Variants in CDH12 observed in about 807,000 individuals in gnomAD.
The protein encoded by CDH12 is cadherin 12.
CDH12 carries 41 observed loss-of-function variants against 74.1 expected under a neutral mutation model. The observed-to-expected ratio is 0.55, with a 90% CI of 0.43 to 0.72. CDH12 has a LOEUF of 0.72. Among genes scored for constraint, CDH12 ranks in the 30% least tolerant of loss-of-function variants. CDH12 has a pLI of 0.00. For synonymous variants in CDH12, 399 were observed against 355.0 expected (o/e 1.12, Z -1.39); for missense variants, 945 against 977.2 (o/e 0.97, Z 0.44).
In CDH12 at chr5:22,094,983, C is replaced by T. The variant is rs4701569; in HGVS notation, c.-186-16121G>A. Among the ~76,000 whole-genome samples the T allele has an allele frequency of 5.3e-4, 81 of 152,212 alleles. 1 individual carries two copies. The highest frequency in any genetic ancestry group is 8.4e-4 in the African/African-American group (35 of 41,530). On this transcript the variant is annotated intron_variant, in intron 4 of 14. Transcript: ENST00000382254. ...GCTGACCCTCTTTTCGGACTCAGCC[C>T]GCCTGTGCCCAGGTGATTAAAAAGC...
intron 4 of CDH12, among the ~76,000 whole-genome samples, chr5:22,173,433 A>C (rs1350568105): frequency 6.8e-6 from 1 of 148,140 alleles, no homozygotes; most frequent in Non-Finnish European, 1.5e-5. Context: ...AATATTAATA[A>C]ATATTTCAAA....
At chr5:22,414,451 TA>T (rs1406760873) in intron 2 of CDH12, among the ~76,000 whole-genome samples, 1 of 151,962 alleles carries the variant, frequency 6.6e-6, no homozygotes, top group East Asian at 1.9e-4. Flanking sequence ...GATTTTGCAT[TA>T]TATGTGCCAT....
chr5:21,797,519 A>C (rs960849668), intron 10 of CDH12, among the ~76,000 whole-genome samples: 13 of 152,218 alleles, frequency 8.5e-5, no homozygotes, highest in African/African-American at 3.1e-4. Flanking sequence ...ATGTTGATTC[A>C]AAAACAGCTC....
chr5:22,716,480 C>G (rs1320675775), intron 1 of CDH12, among the ~76,000 whole-genome samples: 1 of 151,998 alleles, frequency 6.6e-6, no homozygotes, highest in Non-Finnish European at 1.5e-5. Context: ...CTGCCAGTCA[C>G]ATAAAATTCT....
At chr5:22,604,981 T>C (rs1292033155) in intron 1 of CDH12, among the ~76,000 whole-genome samples, 1 of 152,210 alleles carries the variant, frequency 6.6e-6, no homozygotes, top group Non-Finnish European at 1.5e-5. Context: ...TCTGGGCTCC[T>C]TGATCACCCA....
Position 22,716,711 on chromosome 5 carries a change from A to C in CDH12, c.-523+136347T>G, listed in dbSNP as rs151003212. On this transcript the variant is annotated intron_variant, in intron 1 of 14. Coordinates refer to ENST00000382254, the MANE Select transcript of CDH12 (RefSeq NM_004061.5). ...GGAGATGACAGCTTTATTGGCCCTG[A>C]AGACCTTCCAGTGGGACAAGATGTG... 8.9e-3 allele frequency among the ~76,000 whole-genome samples: 1,351 copies of C among 152,120 alleles called. 20 individuals carry two copies. The highest frequency in any genetic ancestry group is 0.031 in the African/African-American group (1,286 of 41,522).
intron 1 of CDH12, among the ~76,000 whole-genome samples, chr5:22,556,441 A>G (rs942932634): frequency 7.9e-5 from 12 of 152,130 alleles, no homozygotes; most frequent in African/African-American, 2.7e-4. Flanking sequence ...GGCACAAATG[A>G]AAATATTTTC....
At chr5:22,571,224 T>C (rs1739524173) in intron 1 of CDH12, among the ~76,000 whole-genome samples, 2 of 152,210 alleles carry the variant, frequency 1.3e-5, no homozygotes, top group Admixed American at 1.3e-4. Context: ...TCCGAGAACT[T>C]TTCCTTTGCA....
intron 9 of CDH12, among the ~76,000 whole-genome samples, chr5:21,813,982 T>A (rs1300091892): frequency 6.6e-6 from 1 of 152,100 alleles, no homozygotes; most frequent in Non-Finnish European, 1.5e-5. Context: ...TTTGTTGAGT[T>A]CACTGCCCTA....
At chr5:22,314,766 A>T (rs1200379882) in intron 3 of CDH12, among the ~76,000 whole-genome samples, 1 of 152,060 alleles carries the variant, frequency 6.6e-6, no homozygotes, top group African/African-American at 2.4e-5. Flanking sequence ...AATCCCGAAA[A>T]CATACAAACC....
intron 6 of CDH12, among the ~76,000 whole-genome samples, chr5:21,905,160 G>A (rs1753581303): frequency 6.6e-6 from 1 of 152,192 alleles, no homozygotes; most frequent in African/African-American, 2.4e-5. Context: ...AAATGTGTGC[G>A]GTGAAGCAGG....
chr5:22,119,285 G>GTTTTTTT (rs397996987), intron 4 of CDH12, among the ~76,000 whole-genome samples: 1 of 99,032 alleles, frequency 1.0e-5, no homozygotes, highest in Non-Finnish European at 2.0e-5. Flanking sequence ...CTTCTACTTC[G>GTTTTTTT]TTTTTTTTTT....
chr5:21,760,018 ATTCT>A lies in CDH12; in HGVS notation c.1633+536_1633+539del, dbSNP rs1446104324. 7.9e-5 allele frequency among the ~76,000 whole-genome samples: 12 copies of A among 152,242 alleles called. No individual in the cohort carries two copies. The East Asian group carries it at 2.3e-3, about 29-fold the overall frequency. On this transcript the variant is annotated intron_variant, in intron 13 of 14. Coordinates refer to ENST00000382254, the MANE Select transcript of CDH12 (RefSeq NM_004061.5). ...ATGTTCCTACAAAAGACATGATCTC[ATTCT>A]TTCTTACGGCTGCATAGCATTCCAT...
At chr5:21,905,739 T>C (rs1753612050) in intron 6 of CDH12, among the ~76,000 whole-genome samples, 1 of 64,526 alleles carries the variant, frequency 1.5e-5, no homozygotes, top group South Asian at 4.8e-4. Context: ...AGAGACCTCA[T>C]CAATTACTAT....
intron 1 of CDH12, among the ~76,000 whole-genome samples, chr5:22,731,099 G>A (rs1205321989): frequency 6.6e-6 from 1 of 151,722 alleles, no homozygotes; most frequent in African/African-American, 2.4e-5. Context: ...CCACACTTTG[G>A]ACTTCTTAGA....
intron 4 of CDH12, among the ~76,000 whole-genome samples, chr5:22,135,714 C>G (rs1297083877): frequency 6.6e-6 from 1 of 151,912 alleles, no homozygotes; most frequent in Non-Finnish European, 1.5e-5. Flanking sequence ...AGTTCATTAG[C>G]ATTGGTAAGG....
At chr5:22,824,889 G>GTTTGTCCAAAATTTATATATATATA (rs1736204634) in intron 1 of CDH12, among the ~76,000 whole-genome samples, 1 of 151,536 alleles carries the variant, frequency 6.6e-6, no homozygotes, top group Non-Finnish European at 1.5e-5. Flanking sequence ...ATATATATAT[G>GTTTGTCCAAAATTTATATATATATA]TTTGTCCAAA....
chr5:21,902,389 G>A (rs1475042540), intron 6 of CDH12, among the ~76,000 whole-genome samples: 6 of 151,648 alleles, frequency 4.0e-5, no homozygotes, highest in Admixed American at 2.6e-4. Flanking sequence ...GCTACTCTAA[G>A]TATGTTTCCA....
chr5:22,548,049 G>A (rs1738407427), intron 1 of CDH12, among the ~76,000 whole-genome samples: 1 of 152,144 alleles, frequency 6.6e-6, no homozygotes. Flanking sequence ...CTTCCTTTAT[G>A]TCTGTTTAAT....
Sources: gnomAD v4.1 joint callset for allele counts (sites outside exome capture counted in the v4.1 genomes callset) on GRCh38, gnomAD v4.1.1 for gene constraint, MANE v1.5 for transcripts, NCBI Gene and HGNC (gene_info 2026-07-23, HGNC 2026-07-21) for gene names.